The following LRRC4C variants were observed in gnomAD, a reference collection of about 807,000 sequenced individuals.
LRRC4C encodes leucine-rich repeat-containing protein 4C.
In LRRC4C, 5 loss-of-function variants were observed where a neutral mutation model predicts 33.6. The ratio of observed to expected loss-of-function variants is 0.15; its 90% CI spans 0.08 to 0.31. The LOEUF is 0.31. Among genes scored for constraint, LRRC4C ranks in the 10% least tolerant of loss-of-function variants. The pLI, the probability that LRRC4C is intolerant of heterozygous loss-of-function variation, is 1.00. For synonymous variants in LRRC4C, 329 were observed against 302.0 expected (o/e 1.09, Z -0.93); for missense variants, 560 against 796.7 (o/e 0.70, Z 3.58).
intron 4 of LRRC4C, among the ~76,000 whole-genome samples, chr11:40,251,439 A>C (rs1866776914): frequency 6.6e-6 from 1 of 152,100 alleles, no homozygotes; most frequent in Non-Finnish European, 1.5e-5. Context: ...TCCTCCTCTA[A>C]ATAGCTACAT....
At chr11:41,092,036 TG>T (rs1370153899) in intron 1 of LRRC4C, among the ~76,000 whole-genome samples, 1 of 152,158 alleles carries the variant, frequency 6.6e-6, no homozygotes, top group Non-Finnish European at 1.5e-5. Flanking sequence ...CCCTGGGTGG[TG>T]GGACTTAAGT....
intron 3 of LRRC4C, among the ~76,000 whole-genome samples, chr11:40,367,534 T>C (rs982090632): frequency 6.6e-6 from 1 of 152,092 alleles, no homozygotes; most frequent in Non-Finnish European, 1.5e-5. Flanking sequence ...ACTGACAATC[T>C]GGATTAAGAA....
At chr11:41,072,068 T>C (rs1271958454) in intron 1 of LRRC4C, among the ~76,000 whole-genome samples, 1 of 152,074 alleles carries the variant, frequency 6.6e-6, no homozygotes, top group Non-Finnish European at 1.5e-5. Context: ...AAACTGGTTT[T>C]TTTGAATGGA....
intron 1 of LRRC4C, among the ~76,000 whole-genome samples, chr11:40,945,179 A>G (rs1429875588): frequency 6.6e-6 from 1 of 150,458 alleles, no homozygotes; most frequent in Non-Finnish European, 1.5e-5. Flanking sequence ...ACAGGCGCCC[A>G]CCACCACGCC....
chr11:41,003,348 C>T (rs1044061944), intron 1 of LRRC4C, among the ~76,000 whole-genome samples: 3 of 152,046 alleles, frequency 2.0e-5, no homozygotes, highest in African/African-American at 7.2e-5. Flanking sequence ...GACATGGAGG[C>T]AGGTATGACT....
At chr11:41,318,202 T>C (rs1950852376) in intron 1 of LRRC4C, among the ~76,000 whole-genome samples, 1 of 152,194 alleles carries the variant, frequency 6.6e-6, no homozygotes, top group Non-Finnish European at 1.5e-5. Flanking sequence ...GCTAAAAAGA[T>C]TATACATTAA....
intron 3 of LRRC4C, among the ~76,000 whole-genome samples, chr11:40,380,586 GATA>G (rs767363075): frequency 2.8e-4 from 42 of 152,186 alleles, no homozygotes; most frequent in Non-Finnish European, 4.3e-4. Flanking sequence ...GTATAACTGA[GATA>G]ATAACATCTG....
intron 1 of LRRC4C, among the ~76,000 whole-genome samples, chr11:41,188,104 T>C (rs1437324787): frequency 6.6e-6 from 1 of 152,080 alleles, no homozygotes; most frequent in Non-Finnish European, 1.5e-5. Flanking sequence ...AAATTTCCTG[T>C]TTAACTTTGG....
At chr11:41,087,165 A>G (rs538595723) in intron 1 of LRRC4C, among the ~76,000 whole-genome samples, 2 of 152,080 alleles carry the variant, frequency 1.3e-5, no homozygotes, top group South Asian at 4.2e-4. Flanking sequence ...TAATCATTGC[A>G]TTTTTCTGAA....
intron 3 of LRRC4C, among the ~76,000 whole-genome samples, chr11:40,509,285 A>G (rs1955188853): frequency 6.6e-6 from 1 of 152,172 alleles, no homozygotes; most frequent in African/African-American, 2.4e-5. Flanking sequence ...CATTTTGTTA[A>G]GAAATGGGTT....
intron 3 of LRRC4C, among the ~76,000 whole-genome samples, chr11:40,410,625 GT>G (rs1487155865): frequency 6.6e-6 from 1 of 151,994 alleles, no homozygotes; most frequent in African/African-American, 2.4e-5. Context: ...GGTTTGCTGG[GT>G]TGGGTGTCTC....
chr11:40,307,220 C>T (rs546190168), intron 4 of LRRC4C, among the ~76,000 whole-genome samples: 7 of 152,140 alleles, frequency 4.6e-5, no homozygotes, highest in South Asian at 2.1e-4. Flanking sequence ...TCCTCCCCAC[C>T]GCTCCACTGA....
At chr11:40,237,313 C>T (rs1865633966) in intron 5 of LRRC4C, among the ~76,000 whole-genome samples, 1 of 152,196 alleles carries the variant, frequency 6.6e-6, no homozygotes, top group South Asian at 2.1e-4. Context: ...GTATAAGCTA[C>T]TTTGTGAAAA....
intron 1 of LRRC4C, among the ~76,000 whole-genome samples, chr11:41,364,560 G>A (rs1232630237): frequency 6.6e-6 from 1 of 152,122 alleles, no homozygotes; most frequent in Non-Finnish European, 1.5e-5. Flanking sequence ...ACAGGCATGA[G>A]CCACTGTGCA....
intron 3 of LRRC4C, among the ~76,000 whole-genome samples, chr11:40,403,317 AAGTT>A (rs1292266618): frequency 3.3e-5 from 5 of 152,278 alleles, no homozygotes; most frequent in East Asian, 1.9e-4. Flanking sequence ...TAGATAAACC[AAGTT>A]AGTTAGTCAA....
At chr11:41,424,252 C>A (rs2138352608) in intron 1 of LRRC4C, among the ~76,000 whole-genome samples, 1 of 152,086 alleles carries the variant, frequency 6.6e-6, no homozygotes, top group African/African-American at 2.4e-5. Context: ...GAAAGAGAAT[C>A]ATGGAAGGGA....
chr11:41,045,976 C>G (rs1245220725), intron 1 of LRRC4C, among the ~76,000 whole-genome samples: 2 of 152,074 alleles, frequency 1.3e-5, no homozygotes, highest in Non-Finnish European at 2.9e-5. Flanking sequence ...ATTTTGTATC[C>G]TGACTCCTAA....
At position 41,140,191 on chromosome 11, in the gene LRRC4C, G is replaced by A. The variant is rs576557473; in HGVS notation, c.-495-206468C>T. On this transcript the variant is annotated intron_variant, in intron 1 of 6. Transcript: ENST00000528697. ...GATGATGTATGTAGTAGATGACAAT[G>A]TTGAAATTTACCCAACCCTGCTATC... 6.6e-5 allele frequency among the ~76,000 whole-genome samples: 10 copies of A among 152,236 alleles called. No individual in the cohort carries two copies. The South Asian group carries it at 2.1e-3, about 32-fold the overall frequency.
intron 2 of LRRC4C, among the ~76,000 whole-genome samples, chr11:40,805,698 A>C (rs1422936004): frequency 6.6e-6 from 1 of 152,048 alleles, no homozygotes; most frequent in African/African-American, 2.4e-5. Flanking sequence ...TCTTATATTA[A>C]CTGCACAAAA....
Sources: allele counts gnomAD v4.1 joint callset (sites outside exome capture counted in the v4.1 genomes callset), GRCh38; gene constraint gnomAD v4.1.1; transcripts MANE v1.5; gene names NCBI Gene and HGNC (gene_info 2026-07-23, HGNC 2026-07-21).